The following CCDC3 variants were observed in gnomAD, a reference collection of about 807,000 sequenced individuals.
CCDC3 encodes the protein coiled-coil domain containing 3, also known as coiled-coil domain-containing protein 3.
A neutral mutation model predicts 21.4 loss-of-function variants in CCDC3; 24 were observed. That is an observed-to-expected ratio of 1.12 (90% CI 0.81 to 1.58). The LOEUF is 1.58. Ranked by LOEUF, CCDC3 falls within the 40% of genes most tolerant of loss-of-function variation. The probability of loss-of-function intolerance (pLI) is 0.00; values close to 1 mark genes in which losing one functional copy is unlikely to be tolerated. For missense variants in CCDC3, 425 were observed against 360.9 expected, an observed-to-expected ratio of 1.18 and a Z score of -1.44; for synonymous variants, 186 against 166.0, an observed-to-expected ratio of 1.12 and a Z score of -0.93.
At chr10:13,059,811 C>T (rs528502208) in intron 4 of CCDC3, among the ~76,000 whole-genome samples, 4 of 152,082 alleles carry the variant, frequency 2.6e-5, no homozygotes, top group Non-Finnish European at 5.9e-5. Flanking sequence ...TTGTTTTGGC[C>T]GGGCGCGGTG....
rs1835857425 is a variant in CCDC3 at position 13,001,622 on chromosome 10, G to C, written c.-52C>G. ...CGGCGGCGGGGAGCCCGGGGAGCCC[G>C]CCGGCCCGGGAAGGGCAGCCCTGGG... On this transcript the variant is annotated 5_prime_UTR_variant, in exon 1 of 3. Transcript: ENST00000378825. 3.7e-6 allele frequency: 4 copies of C among 1,080,622 alleles called. No individual in the cohort carries two copies. Among genetic ancestry groups the C allele is most frequent in the Non-Finnish European group, 1.1e-6 (1 of 891,614 alleles). The allele number at this position is 1,080,622 out of a possible 1,614,324, so 66.9% of individuals were successfully genotyped here. A position where few individuals can be genotyped will look rare whatever the true frequency, so the allele number is the denominator to read the frequency against.
chr10:12,945,471 G>C (rs1161835864), intron 2 of CCDC3, among the ~76,000 whole-genome samples: 1 of 151,894 alleles, frequency 6.6e-6, no homozygotes, highest in Non-Finnish European at 1.5e-5. Flanking sequence ...TGTAAAAGTA[G>C]AATCATGGGA....
intron 4 of CCDC3, among the ~76,000 whole-genome samples, chr10:13,060,310 T>G (rs1180731246): frequency 6.6e-6 from 1 of 152,096 alleles, no homozygotes; most frequent in Non-Finnish European, 1.5e-5. Flanking sequence ...GGAAGGGGAT[T>G]GGCTCTCTTG....
At chr10:12,920,916 A>G (rs1488898028) in intron 2 of CCDC3, among the ~76,000 whole-genome samples, 1 of 152,204 alleles carries the variant, frequency 6.6e-6, no homozygotes. Flanking sequence ...AGGTCTTCAA[A>G]TAAGAAGATT....
chr10:13,019,825 G>A (rs1589042064), intron 5 of CCDC3, among the ~76,000 whole-genome samples: 3 of 151,790 alleles, frequency 2.0e-5, no homozygotes, highest in African/African-American at 2.4e-5. Flanking sequence ...GTGAAACCCC[G>A]TCTTTACTAA....
intron 2 of CCDC3, among the ~76,000 whole-genome samples, chr10:12,971,496 C>T (rs2131264915): frequency 6.6e-6 from 1 of 152,280 alleles, no homozygotes; most frequent in East Asian, 1.9e-4. Flanking sequence ...TTGCCAGATC[C>T]AGTGTCCTCC....
At chr10:13,096,177 T>C (rs7090332) in intron 3 of CCDC3, among the ~76,000 whole-genome samples, 1 of 61,934 alleles carries the variant, frequency 1.6e-5, no homozygotes, top group African/African-American at 4.3e-5. Flanking sequence ...CCTTTCTTCC[T>C]TCTCTCTCTC....
intron 5 of CCDC3, among the ~76,000 whole-genome samples, chr10:13,007,304 G>A (rs1488588887): frequency 1.3e-5 from 2 of 152,094 alleles, no homozygotes; most frequent in Non-Finnish European, 2.9e-5. Flanking sequence ...CCTTTACATT[G>A]TTTCAGGGAA....
At chr10:13,029,609 T>C (rs1248356782) in intron 5 of CCDC3, among the ~76,000 whole-genome samples, 1 of 152,058 alleles carries the variant, frequency 6.6e-6, no homozygotes. Context: ...ATTAGACGAA[T>C]GGTTAACTAG....
At chr10:13,010,149 G>A (rs143305488) in intron 5 of CCDC3, among the ~76,000 whole-genome samples, 27 of 152,266 alleles carry the variant, frequency 1.8e-4, no homozygotes, top group Non-Finnish European at 2.6e-4. Flanking sequence ...TAGGGAGTCC[G>A]AAGCAAGAGA....
At chr10:12,947,226 G>C (rs11258077) in intron 2 of CCDC3, among the ~76,000 whole-genome samples, 63,350 of 151,602 alleles carry the variant, frequency 0.42, 13,654 homozygotes, top group South Asian at 0.59. Context: ...TGGCTCACAG[G>C]AACTTCTGCC....
intron 2 of CCDC3, among the ~76,000 whole-genome samples, chr10:12,947,498 G>A (rs1834933052): frequency 6.6e-6 from 1 of 152,206 alleles, no homozygotes; most frequent in South Asian, 2.1e-4. Context: ...ATGTGCCAGA[G>A]TGTTGGGTGC....
At chr10:12,976,255 A>G (rs1385402967) in intron 2 of CCDC3, among the ~76,000 whole-genome samples, 1 of 152,230 alleles carries the variant, frequency 6.6e-6, no homozygotes, top group South Asian at 2.1e-4. Context: ...AGCTGAGTAA[A>G]CAAAGGCGTT....
At chr10:12,990,849 A>C (rs918743619) in intron 2 of CCDC3, among the ~76,000 whole-genome samples, 1 of 152,254 alleles carries the variant, frequency 6.6e-6, no homozygotes, top group African/African-American at 2.4e-5. Flanking sequence ...AAGATAGGCC[A>C]ATGTATTTTC....
chr10:12,988,166 A>T (rs1228369407), intron 2 of CCDC3, among the ~76,000 whole-genome samples: 2 of 152,090 alleles, frequency 1.3e-5, no homozygotes, highest in Non-Finnish European at 2.9e-5. Context: ...CCCACCGCCA[A>T]TGCTCATTCC....
chr10:12,987,066 A>G (rs1835606670), intron 2 of CCDC3, among the ~76,000 whole-genome samples: 1 of 152,070 alleles, frequency 6.6e-6, no homozygotes, highest in African/African-American at 2.4e-5. Flanking sequence ...GTGCACCCTC[A>G]TCGGCCCTCC....
chr10:13,072,356 T>G (rs1473845013), intron 4 of CCDC3, among the ~76,000 whole-genome samples: 1 of 146,630 alleles, frequency 6.8e-6, no homozygotes, highest in African/African-American at 2.5e-5. Flanking sequence ...TCATCATCCT[T>G]ATCCTTACCT....
At chr10:12,950,919 A>AG in intron 2 of CCDC3, among the ~76,000 whole-genome samples, 5 of 152,306 alleles carry the variant, frequency 3.3e-5, no homozygotes, top group African/African-American at 1.2e-4. Context: ...AGGTCAGCCT[A>AG]GGTCACCTTG....
intron 2 of CCDC3, among the ~76,000 whole-genome samples, chr10:12,971,788 C>T (rs1337908932): frequency 6.6e-6 from 1 of 152,096 alleles, no homozygotes; most frequent in Non-Finnish European, 1.5e-5. Context: ...CAGGTTCAAG[C>T]GATTCTCCTT....
Sources: allele counts gnomAD v4.1 joint callset (sites outside exome capture counted in the v4.1 genomes callset), GRCh38; gene constraint gnomAD v4.1.1; transcripts MANE v1.5; gene names NCBI Gene and HGNC (gene_info 2026-07-23, HGNC 2026-07-21).